ICAM3: variants seen among roughly 807,000 people sequenced by gnomAD.
ICAM3 encodes the protein intercellular adhesion molecule 3.
A neutral mutation model predicts 43.6 loss-of-function variants in ICAM3; 54 were observed. That is an observed-to-expected ratio of 1.24 (90% CI 0.99 to 1.55). The LOEUF (loss-of-function observed/expected upper bound fraction) is 1.55, where lower values mean the gene tolerates loss of function less well. Ranked by LOEUF, ICAM3 falls within the 40% of genes most tolerant of loss-of-function variation. ICAM3 has a pLI of 0.00. For synonymous variants in ICAM3, 306 were observed against 312.6 expected (o/e 0.98, Z 0.22); for missense variants, 715 against 717.9 (o/e 1.00, Z 0.05).
In ICAM3 at chr19:10,336,804, C is replaced by CAA. The variant is rs34119863; in HGVS notation, c.344-830_344-829dup. Among the ~76,000 whole-genome samples, 720 of 78,720 alleles carry CAA rather than the reference C, an allele frequency of 9.1e-3. 7 individuals carry two copies. Among genetic ancestry groups the CAA allele is most frequent in the East Asian group, 0.037 (82 of 2,218 alleles). 51.6% of individuals were successfully genotyped at this position (78,720 alleles called of 152,430 possible). On this transcript the variant is annotated intron_variant, in intron 2 of 6. Transcript: ENST00000160262. The stretch of plus-strand genomic sequence containing the variant: ...CTGGCGACAGAGAGAGACTCTATGT[C>CAA]AAAAAAAAAAAAAAAAAAAAAAAGG...
In ICAM3 at chr19:10,338,680, A is replaced by C; in HGVS notation, c.343+2T>G. On this transcript the variant is annotated splice_donor_variant, in intron 2 of 6. Transcript: ENST00000160262. LOFTEE classifies it high-confidence loss of function. ...GTCCCACCTCCGGACACGTCGACTC[A>C]CTGTACACGGTGATGTTAGAGGAGC... 6.2e-7 allele frequency: 1 copy of C among 1,613,688 alleles called. No individual in the cohort carries two copies. The highest frequency in any genetic ancestry group is 8.5e-7 in the Non-Finnish European group (1 of 1,179,754).
At chr19:10,338,091 G>A (rs571341432) in intron 2 of ICAM3, among the ~76,000 whole-genome samples, 403 of 131,956 alleles carry the variant, frequency 3.1e-3, no homozygotes, top group Non-Finnish European at 3.7e-3. Context: ...AGTAAGAGAC[G>A]CCATCTCAAA....
intron 3 of ICAM3, 47 bp from the exon 4 acceptor site, chr19:10,335,400 C>T: frequency 9.5e-6 from 14 of 1,479,344 alleles, no homozygotes; most frequent in Non-Finnish European, 1.2e-5. Context: ...CTGTGCCTTC[C>T]CCAGGACACC....
chr19:10,333,836 C>T lies in ICAM3; in HGVS notation c.*21G>A. 3.7e-6 allele frequency: 6 copies of T among 1,611,184 alleles called. No individual in the cohort carries two copies. Among genetic ancestry groups the T allele is most frequent in the Non-Finnish European group, 5.1e-6 (6 of 1,177,504 alleles). ...GAGGGCACAGCCAAGCCCCCGCCAA[C>T]TTTGATCCCGGATCCCAGCGTCACT... On this transcript the variant is annotated 3_prime_UTR_variant, in exon 7 of 7. Transcript: ENST00000160262. The surrounding 1 kb of genome is among the most constrained non-coding windows in gnomAD (Gnocchi z 4.2).
rs551416942 is a variant in ICAM3, at chr19:10,334,678, C to T, written c.1042G>A (p.Gly348Arg). 6.2e-7 allele frequency: 1 copy of T among 1,613,258 alleles called. No individual in the cohort carries two copies. Among genetic ancestry groups the T allele is most frequent in the South Asian group, 1.1e-5 (1 of 91,070 alleles). ...TGCCCCGGGGCCGCGGCCGGAACTC[C>T]GTCCAGCGTGACCTGGACTCGAGCC... ...AGARVQVTLD[G>R]VPAAAPGQPA... The change falls in exon 5 of 7, where the codon GGA becomes AGA. Residue 348 changes from glycine to arginine, a missense_variant. By Grantham distance (125) the Gly-to-Arg change is moderately radical. Transcript: ENST00000160262. This position sits in a 1 kb window ranked among gnomAD's most constrained non-coding sequence, Gnocchi z 5.5.
rs926047550 is a variant in ICAM3, at chr19:10,334,232, T to A, written c.1369A>T (p.Asn457Tyr). The A allele has an allele frequency of 2.3e-5, 37 of 1,614,098 alleles. No individual in the cohort carries two copies. Among genetic ancestry groups the A allele is most frequent in the Non-Finnish European group, 2.9e-5 (34 of 1,179,986 alleles). Residue 457 changes from asparagine (N) to tyrosine (Y), a missense_variant, in exon 6 of 7, where the codon AAT becomes TAT. Asn to Tyr is a moderately radical substitution (Grantham distance 143). Transcript: ENST00000160262. This position sits in a 1 kb window ranked among gnomAD's most constrained non-coding sequence, Gnocchi z 5.5. ...GACGCTTGGCACTGATAAGTACCATTATGTGTTACGTTGACGAAGAACGGG... is the reference window on the plus strand; with the variant it reads ...GACGCTTGGCACTGATAAGTACCATAATGTGTTACGTTGACGAAGAACGGG... ...GIPFFVNVTH[N>Y]GTYQCQASSS...
chr19:10,339,220 T>C, intron 1 of ICAM3: 1 of 582,346 alleles, frequency 1.7e-6, no homozygotes, highest in South Asian at 2.1e-5. Flanking sequence ...TAAGTAGGAG[T>C]TAGCAAGTGA....
rs571063808 is a variant in ICAM3 at position 10,333,805 on chromosome 19, GA to G, written c.*51del. The G allele has an allele frequency of 1.9e-3, 2,939 of 1,572,222 alleles. 11 individuals are homozygous for G. The highest frequency in any genetic ancestry group is 1.3e-3 in the Non-Finnish European group (1,543 of 1,143,572). The stretch of plus-strand genomic sequence containing the variant: ...GGAGTTTGAAGGCTTTATTGGTGCG[GA>G]ATCTGAGGGCACAGCCAAGCCCCCG... On this transcript the variant is annotated 3_prime_UTR_variant, in exon 7 of 7. Coordinates refer to ENST00000160262, the MANE Select transcript of ICAM3 (RefSeq NM_002162.5). This position sits in a 1 kb window ranked among gnomAD's most constrained non-coding sequence, Gnocchi z 4.2.
rs752843833 is a variant in ICAM3, at chr19:10,335,284, T to G, written c.719A>C (p.Asp240Ala). 6.2e-7 allele frequency: 1 copy of G among 1,612,980 alleles called. No individual in the cohort carries two copies. The highest frequency in any genetic ancestry group is 8.5e-7 in the Non-Finnish European group (1 of 1,179,902). The change falls in exon 4 of 7, where the codon GAC becomes GCC. Residue 240 changes from aspartate to alanine, a missense_variant. Asp to Ala is a moderately radical substitution (Grantham distance 126). Coordinates refer to ENST00000160262, the MANE Select transcript of ICAM3 (RefSeq NM_002162.5). ...FLEVETSWPV[D>A]CTLDGLFPAS... ...TGGAAAAAGCCCGTCTAGGGTGCAG[T>G]CCACCGGCCACGACGTTTCCACCTC...
Position 10,338,717 on chromosome 19 carries a change from G to A in ICAM3, c.308C>T (p.Ser103Phe). ...GATGTTAGAGGAGCCTGTTATCTGA[G>A]AGCCATTGCAGTACACTGAGCAGAG... The part of the protein sequence containing the change: ...RILCSVYCNG[S>F]QITGSSNITV... Residue 103 changes from serine (S) to phenylalanine (F), a missense_variant, in exon 2 of 7, where the codon TCT (serine) becomes TTT (phenylalanine). Physicochemically the swap from Ser to Phe is radical, Grantham distance 155. Coordinates refer to ENST00000160262, the MANE Select transcript of ICAM3 (RefSeq NM_002162.5). 6.2e-7 allele frequency: 1 copy of A among 1,614,122 alleles called. No individual in the cohort carries two copies. Among genetic ancestry groups the A allele is most frequent in the Non-Finnish European group, 8.5e-7 (1 of 1,180,018 alleles).
chr19:10,334,416 A>G lies in ICAM3; in HGVS notation c.1193-8T>C, dbSNP rs1441344332. On this transcript the variant is annotated splice_polypyrimidine_tract_variant and splice_region_variant and intron_variant, in intron 5 of 6. Transcript: ENST00000160262. This position sits in a 1 kb window ranked among gnomAD's most constrained non-coding sequence, Gnocchi z 5.5. ...GGTCAATTTTGGGACCATCTGTGGA[A>G]CCACCATGTGTGATCAGACACCCAA... 6.2e-7 allele frequency: 1 copy of G among 1,613,884 alleles called. No homozygotes were observed. The highest frequency in any genetic ancestry group is 8.5e-7 in the Non-Finnish European group (1 of 1,179,968).
Position 10,338,957 on chromosome 19 carries a change from A to G in ICAM3, c.77-9T>C. 1 of 1,611,916 alleles carries G rather than the reference A, an allele frequency of 6.2e-7. No individual in the cohort carries two copies. Among genetic ancestry groups the G allele is most frequent in the Non-Finnish European group, 8.5e-7 (1 of 1,178,822 alleles). Reference sequence around the variant, plus strand: ...CTCCTGCCCCTGGACACCTTCAGGAACATGAAGAAGTCCTGGTGTTTGTTT... The same window carrying G: ...CTCCTGCCCCTGGACACCTTCAGGAGCATGAAGAAGTCCTGGTGTTTGTTT... On this transcript the variant is annotated splice_polypyrimidine_tract_variant and intron_variant, in intron 1 of 6. Transcript: ENST00000160262.
rs2040626556 is a variant in ICAM3 at position 10,338,911 on chromosome 19, G to C, written c.114C>G (p.Pro38=). 6.2e-7 allele frequency: 1 copy of C among 1,614,010 alleles called. No homozygotes were observed. The highest frequency in any genetic ancestry group is 1.7e-5 in the Admixed American group (1 of 60,000). Residue 38 remains proline (P), a synonymous_variant, in exon 2 of 7, where the codon CCC becomes CCG. Transcript: ENST00000160262. ...CTCCAGCAGAGAGCACAGGGTTCTG[G>C]GGCTCCACCCGCAAAAGGAACTCCT... The part of the protein sequence containing the change: ...QGQEFLLRVE[P]QNPVLSAGGS...
Position 10,334,119 on chromosome 19 carries a change from C to G in ICAM3, c.1441+41G>C, listed in dbSNP as rs769994849. On this transcript the variant is annotated intron_variant, in intron 6 of 6. Coordinates refer to ENST00000160262, the MANE Select transcript of ICAM3 (RefSeq NM_002162.5). This position sits in a 1 kb window ranked among gnomAD's most constrained non-coding sequence, Gnocchi z 5.5. ...CTTCTGTCTCCAACCCCCCCGCCCCCCGGCTTACCGGTCCAGACCCGCAGC... is the reference window on the plus strand; with the variant it reads ...CTTCTGTCTCCAACCCCCCCGCCCCGCGGCTTACCGGTCCAGACCCGCAGC... The G allele has an allele frequency of 6.2e-7, 1 of 1,607,990 alleles. No homozygotes were observed. The highest frequency in any genetic ancestry group is 2.2e-5 in the East Asian group (1 of 44,760).
Position 10,335,204 on chromosome 19 carries a change from C to A in ICAM3, c.799G>T (p.Val267Phe). 6.2e-7 allele frequency: 1 copy of A among 1,613,878 alleles called. No individual in the cohort carries two copies. The highest frequency in any genetic ancestry group is 8.5e-7 in the Non-Finnish European group (1 of 1,180,028). Reference protein sequence around the residue: ...ALGDQMLNATVMNHGDTLTAT... With the variant: ...ALGDQMLNATFMNHGDTLTAT... ...GTTAGCGTGTCCCCGTGGTTCATGA[C>A]TGTCGCATTCAGCATCTGGTCCCCC... Residue 267 changes from valine to phenylalanine, a missense_variant, in exon 4 of 7, where the codon GTC becomes TTC. Physicochemically the swap from Val to Phe is conservative, Grantham distance 50. Transcript: ENST00000160262.
In ICAM3 at chr19:10,333,829, C is replaced by A; in HGVS notation, c.*28G>T. 1 of 1,608,488 alleles carries A rather than the reference C, an allele frequency of 6.2e-7. No individual in the cohort carries two copies. Among genetic ancestry groups the A allele is most frequent in the Non-Finnish European group, 8.5e-7 (1 of 1,175,114 alleles). On this transcript the variant is annotated 3_prime_UTR_variant, in exon 7 of 7. Coordinates refer to ENST00000160262, the MANE Select transcript of ICAM3 (RefSeq NM_002162.5). The surrounding 1 kb of genome is among the most constrained non-coding windows in gnomAD (Gnocchi z 4.2). Reference sequence around the variant, plus strand: ...GGAATCTGAGGGCACAGCCAAGCCCCCGCCAACTTTGATCCCGGATCCCAG... The same window carrying A: ...GGAATCTGAGGGCACAGCCAAGCCCACGCCAACTTTGATCCCGGATCCCAG...
intron 2 of ICAM3, among the ~76,000 whole-genome samples, chr19:10,337,416 C>CAAA (rs1227458863): frequency 2.7e-5 from 2 of 74,240 alleles, no homozygotes; most frequent in African/African-American, 1.1e-4. Context: ...GACTCTGTCT[C>CAAA]AAAAAAAAAA....
rs78404141 is a variant in ICAM3 at position 10,338,090 on chromosome 19, C to T, written c.343+592G>A. On this transcript the variant is annotated intron_variant, in intron 2 of 6. Transcript: ENST00000160262. ...CCAGCCTGGGCTACAGAGTAAGAGA[C>T]GCCATCTCAAAAAAAAAAAAAAGCT... Among the ~76,000 whole-genome samples the T allele has an allele frequency of 5.5e-3, 764 of 139,238 alleles. 13 individuals carry two copies. The highest frequency in any genetic ancestry group is 0.046 in the East Asian group (222 of 4,842). 91.3% of individuals were successfully genotyped at this position (139,238 alleles called of 152,430 possible).
At chr19:10,336,038 G>C in intron 2 of ICAM3, 62 bp from the exon 3 acceptor site, 4 of 1,404,232 alleles carry the variant, frequency 2.8e-6, no homozygotes, top group Non-Finnish European at 3.8e-6. Context: ...TCACCCCAGG[G>C]ACTGGGGAGG....
Sources: gnomAD v4.1 joint callset for allele counts (sites outside exome capture counted in the v4.1 genomes callset) on GRCh38, gnomAD v4.1.1 for gene constraint, Gnocchi (gnomAD v3.1) non-coding constraint, MANE v1.5 for transcripts, NCBI Gene and HGNC (gene_info 2026-07-23, HGNC 2026-07-21) for gene names.